The following E2F8 variants were observed in gnomAD, a reference collection of about 807,000 sequenced individuals.
E2F8 encodes transcription factor E2F8.
E2F8 carries 35 observed loss-of-function variants against 80.8 expected under a neutral mutation model. The ratio of observed to expected loss-of-function variants is 0.43; its 90% CI spans 0.33 to 0.57. The LOEUF (loss-of-function observed/expected upper bound fraction) is 0.57. Ranked by LOEUF, E2F8 falls within the 20% of genes least tolerant of loss-of-function variation. E2F8 has a pLI of 0.04. For synonymous variants in E2F8, 386 were observed against 395.0 expected (o/e 0.98, Z 0.27); for missense variants, 975 against 1,056.2 (o/e 0.92, Z 1.07).
rs1851458860 is a variant in E2F8 at position 19,234,345 on chromosome 11, A to T, written c.928+15T>A. 1 of 1,612,312 alleles carries T rather than the reference A, an allele frequency of 6.2e-7. No homozygotes were observed. On this transcript the variant is annotated intron_variant, in intron 6 of 12. Coordinates refer to ENST00000250024, the MANE Select transcript of E2F8 (RefSeq NM_024680.4). ...AAGAATAGGTTCAAAAATCCATGGCAGTCATGACACTTACTTTTAAACTTG... is the reference window on the plus strand; with the variant it reads ...AAGAATAGGTTCAAAAATCCATGGCTGTCATGACACTTACTTTTAAACTTG...
chr11:19,236,140 G>T (rs1327839968), intron 4 of E2F8, among the ~76,000 whole-genome samples: 1 of 152,168 alleles, frequency 6.6e-6, no homozygotes, highest in Non-Finnish European at 1.5e-5. Flanking sequence ...ACCTCTTGCT[G>T]TCCCTGGAAC....
At chr11:19,233,644 C>T (rs527872335) in intron 6 of E2F8, among the ~76,000 whole-genome samples, 16 of 152,010 alleles carry the variant, frequency 1.1e-4, no homozygotes, top group African/African-American at 3.6e-4. Context: ...CACGCCACCA[C>T]GCCCGGCTAA....
intron 6 of E2F8, among the ~76,000 whole-genome samples, chr11:19,233,460 T>C (rs1169826039): frequency 6.6e-6 from 1 of 151,902 alleles, no homozygotes; most frequent in African/African-American, 2.4e-5. Context: ...TTTACTCTCA[T>C]TTAGAGCTCA....
rs867840900 is a variant in E2F8 at position 19,235,057 on chromosome 11, A to G, written c.453T>C (p.Asn151=). 3 of 1,600,204 alleles carry G rather than the reference A, an allele frequency of 1.9e-6. No individual in the cohort carries two copies. The Middle Eastern group carries it at 5.0e-4, about 267-fold the overall frequency. Residue 151 remains asparagine (N), a splice_region_variant and synonymous_variant, in exon 5 of 13, where the codon AAT becomes AAC. Coordinates refer to ENST00000250024, the MANE Select transcript of E2F8 (RefSeq NM_024680.4). ...TATCGTAAATGCGTCGACGTTCAAC[A>G]TCTACAAAGAATGTGCAATTGTGTG... ...ICLDEVAEEL[N]VERRRIYDIV... is the part of the protein sequence containing the mutation.
In E2F8 at chr11:19,238,107, T is replaced by C; in HGVS notation, c.41A>G (p.Lys14Arg). 6.2e-7 allele frequency: 1 copy of C among 1,611,318 alleles called. No homozygotes were observed. Among genetic ancestry groups the C allele is most frequent in the African/African-American group, 1.3e-5 (1 of 74,840 alleles). The stretch of plus-strand genomic sequence containing the variant: ...CAGAGGTGTTTTCATTAGTCCCCTT[T>C]TATGTGGCTCACAAAAGAGATTTTC... ...EKENLFCEPHKRGLMKTPLKE... is the reference protein window; with the variant it reads ...EKENLFCEPHRRGLMKTPLKE... The change falls in exon 3 of 13, where the codon AAA becomes AGA. Residue 14 changes from lysine to arginine, a missense_variant. Coordinates refer to ENST00000250024, the MANE Select transcript of E2F8 (RefSeq NM_024680.4).
chr11:19,224,837 C>T lies in E2F8; in HGVS notation c.2425G>A (p.Val809Ile), dbSNP rs1288700848. 1 of 1,614,008 alleles carries T rather than the reference C, an allele frequency of 6.2e-7. No individual in the cohort carries two copies. Among genetic ancestry groups the T allele is most frequent in the Non-Finnish European group, 8.5e-7 (1 of 1,180,044 alleles). ...SVAVTGAQQP[V>I]PVTPKGSQLV... ...TGTGACCCTTTGGGTGTCACAGGAA[C>T]AGGCTGATTGGAAAGAGAAGAATGG... Residue 809 changes from valine (V) to isoleucine (I), a missense_variant, in exon 13 of 13, where the codon GTT (valine) becomes ATT (isoleucine). Coordinates refer to ENST00000250024, the MANE Select transcript of E2F8 (RefSeq NM_024680.4).
In E2F8 at chr11:19,234,950, T is replaced by G; in HGVS notation, c.560A>C (p.Asn187Thr). 1.2e-6 allele frequency: 2 copies of G among 1,614,246 alleles called. No homozygotes were observed. Among genetic ancestry groups the G allele is most frequent in the Non-Finnish European group, 1.7e-6 (2 of 1,180,044 alleles). The change falls in exon 5 of 13, where the codon AAC becomes ACC. Residue 187 changes from asparagine to threonine, a missense_variant. Transcript: ENST00000250024. ...RYTWHGRHNLNKTLGTLKSIG... is the reference protein window; with the variant it reads ...RYTWHGRHNLTKTLGTLKSIG... ...GCTCTTCAAGGTGCCAAGGGTTTTG[T>G]TGAGATTGTGTCGCCCGTGCCAAGT...
Position 19,224,755 on chromosome 11 carries a change from G to A in E2F8, c.2507C>T (p.Ser836Leu). Residue 836 changes from serine (S) to leucine (L), a missense_variant, in exon 13 of 13, where the codon TCA becomes TTA. Coordinates refer to ENST00000250024, the MANE Select transcript of E2F8 (RefSeq NM_024680.4). Reference sequence around the variant, plus strand: ...AGCACCCTCAAAATCCATGCAGGATGAGCTGGTTGGCTTGGTGGGTCCACC... The same window carrying A: ...AGCACCCTCAAAATCCATGCAGGATAAGCTGGTTGGCTTGGTGGGTCCACC... Reference protein sequence around the residue: ...TPGGPTKPTSSSCMDFEGANK... With the variant: ...TPGGPTKPTSLSCMDFEGANK... 4.3e-6 allele frequency: 7 copies of A among 1,614,224 alleles called. No homozygotes were observed. The South Asian group carries it at 7.7e-5, about 18-fold the overall frequency.
chr11:19,239,714 A>T (rs1025348584), intron 2 of E2F8, among the ~76,000 whole-genome samples: 1 of 150,794 alleles, frequency 6.6e-6, no homozygotes, highest in Non-Finnish European at 1.5e-5. Flanking sequence ...TTGCCCCTTT[A>T]CACTCTTTCT....
chr11:19,230,061 C>A (rs1042224685), intron 9 of E2F8, 73 bp from the exon 10 acceptor site: 33 of 1,575,776 alleles, frequency 2.1e-5, no homozygotes, highest in Non-Finnish European at 2.8e-5. Context: ...CTTTAAGCCT[C>A]ATATTGAAGC....
chr11:19,230,448 C>A, intron 8 of E2F8, 120 bp from the exon 9 acceptor site: 1 of 1,210,742 alleles, frequency 8.3e-7, no homozygotes, highest in East Asian at 2.4e-5. Flanking sequence ...AGTTGCATAG[C>A]GATTAAACAA....
At chr11:19,237,105 G>T (rs1485694006) in intron 4 of E2F8, among the ~76,000 whole-genome samples, 3 of 152,196 alleles carry the variant, frequency 2.0e-5, no homozygotes, top group Non-Finnish European at 4.4e-5. Flanking sequence ...AACCTCCATT[G>T]TGACTTTTCT....
chr11:19,238,938 A>G (rs760652509), intron 2 of E2F8, among the ~76,000 whole-genome samples: 2 of 152,274 alleles, frequency 1.3e-5, no homozygotes, highest in African/African-American at 2.4e-5. Context: ...TGGCAGAAGC[A>G]GGATAGCCAC....
At position 19,225,567 on chromosome 11, in the gene E2F8, G is replaced by T; in HGVS notation, c.2075C>A (p.Ser692Tyr). 1.2e-6 allele frequency: 2 copies of T among 1,614,224 alleles called. No homozygotes were observed. Among genetic ancestry groups the T allele is most frequent in the Non-Finnish European group, 1.7e-6 (2 of 1,180,038 alleles). Residue 692 changes from serine to tyrosine, a missense_variant, in exon 12 of 13, where the codon TCT becomes TAT. Transcript: ENST00000250024. ...TAGCTTCAACGGTGTTACATGAAAA[G>T]AGGGAAAATTAACAGCAGTGAGTTC... ...SSELTAVNFP[S>Y]FHVTPLKLMV...
chr11:19,241,523 G>A (rs1248390163), upstream of E2F8: 1 of 152,582 alleles, frequency 6.6e-6, no homozygotes, highest in Non-Finnish European at 1.5e-5. The surrounding 1 kb of genome is among the most constrained non-coding windows in gnomAD (Gnocchi z 4.5). Context: ...CCGCAGCGCC[G>A]AGGTGGGTGC....
intron 10 of E2F8, 114 bp from the exon 11 acceptor site, chr11:19,225,978 CCAGCGGAGTGGGCTG>C: frequency 1.6e-6 from 2 of 1,280,510 alleles, no homozygotes; most frequent in East Asian, 4.6e-5. Context: ...ACCAAAGCCT[CCAGCGGAGTGGGCTG>C]CAGGCAGGCT....
At chr11:19,225,996 G>T in intron 10 of E2F8, 132 bp from the exon 11 acceptor site, 1 of 1,054,760 alleles carries the variant, frequency 9.5e-7, no homozygotes, top group Non-Finnish European at 1.4e-6. Flanking sequence ...GTGGGCTGCA[G>T]GCAGGCTGGT....
chr11:19,240,733 C>T lies in E2F8; in HGVS notation c.-295G>A, dbSNP rs1851638080. 1 of 152,142 alleles carries T rather than the reference C, an allele frequency of 6.6e-6. No individual in the cohort carries two copies. Among genetic ancestry groups the T allele is most frequent in the Non-Finnish European group, 1.5e-5 (1 of 68,054 alleles). The allele number at this position is 152,142 out of a possible 1,614,324, so 9.4% of individuals were successfully genotyped here. A position where few individuals can be genotyped will look rare whatever the true frequency, so the allele number is the denominator to read the frequency against. ...TGACAGGAAAGTTCCAAATTCAGTC[C>T]CAAAGCTCCAAGTATGCAGTTGGGC... On this transcript the variant is annotated 5_prime_UTR_variant, in exon 1 of 13. Transcript: ENST00000250024.
At position 19,237,369 on chromosome 11, in the gene E2F8, A is replaced by G; in HGVS notation, c.396T>C (p.Tyr132=). The G allele has an allele frequency of 1.2e-6, 2 of 1,614,218 alleles. No individual in the cohort carries two copies. Among genetic ancestry groups the G allele is most frequent in the Non-Finnish European group, 8.5e-7 (1 of 1,180,034 alleles). Residue 132 remains tyrosine (Y), a synonymous_variant, in exon 4 of 13, where the codon TAT becomes TAC. Coordinates refer to ENST00000250024, the MANE Select transcript of E2F8 (RefSeq NM_024680.4). ...CHKFLARYPN[Y]PNPAVNNDIC... The stretch of plus-strand genomic sequence containing the variant: ...TGTCATTATTCACAGCAGGGTTGGG[A>G]TAATTAGGATATCGTGCTAAGAACT...
Sources: allele counts gnomAD v4.1 joint callset (sites outside exome capture counted in the v4.1 genomes callset), GRCh38; gene constraint gnomAD v4.1.1; non-coding constraint Gnocchi (gnomAD v3.1); transcripts MANE v1.5; gene names NCBI Gene and HGNC (gene_info 2026-07-23, HGNC 2026-07-21).